Variants in GABRR2 observed in about 807,000 individuals in gnomAD.
The protein encoded by GABRR2 is gamma-aminobutyric acid receptor subunit rho-2.
In GABRR2, 36 loss-of-function variants were observed where a neutral mutation model predicts 47.0. The ratio of observed to expected loss-of-function variants is 0.77; its 90% confidence interval spans 0.59 to 1.01. GABRR2 has a LOEUF of 1.01. Among genes scored for constraint, GABRR2 ranks in the 50% least tolerant of loss-of-function variants. The probability of loss-of-function intolerance (pLI) is 0.00; values close to 1 mark genes in which losing one functional copy is unlikely to be tolerated. For missense variants in GABRR2, 587 were observed against 594.6 expected (o/e 0.99, Z 0.13); for synonymous variants, 204 against 227.5 (o/e 0.90, Z 0.93).
chr6:89,298,027 A>G (rs978241375), intron 2 of GABRR2, among the ~76,000 whole-genome samples: 8 of 152,212 alleles, frequency 5.3e-5, no homozygotes, highest in African/African-American at 1.9e-4. Context: ...GCTGCTTATT[A>G]GTATAACTTT....
rs1156403297 is a variant in GABRR2 at position 89,271,687 on chromosome 6, C to T, written c.256G>A (p.Glu86Lys). The change falls in exon 3 of 9, where the codon GAG becomes AAG. Residue 86 changes from glutamate (E) to lysine (K), a missense_variant. Physicochemically the swap from Glu to Lys is moderately conservative, Grantham distance 56 (BLOSUM62 1). Coordinates refer to ENST00000402938, the MANE Select transcript of GABRR2 (RefSeq NM_002043.5). ...ACCTCGGAGATGCTGTCCAGGCTCT[C>T]CACCTGTACGTCCACGCCCACCGGG... ...AIPVGVDVQV[E>K]SLDSISEVDM... 1 of 1,612,552 alleles carries T rather than the reference C, an allele frequency of 6.2e-7. No individual in the cohort carries two copies. Among genetic ancestry groups the T allele is most frequent in the Non-Finnish European group, 8.5e-7 (1 of 1,179,424 alleles).
intron 1 of GABRR2, among the ~76,000 whole-genome samples, chr6:89,309,764 G>GCTT (rs997423004): frequency 2.0e-5 from 3 of 150,962 alleles, no homozygotes; most frequent in African/African-American, 4.9e-5. Flanking sequence ...TAGCACCCAT[G>GCTT]CTTCTTCTTC....
chr6:89,259,871 ATCTC>A (rs1347788971), intron 8 of GABRR2, among the ~76,000 whole-genome samples: 4 of 86,232 alleles, frequency 4.6e-5, no homozygotes, highest in Admixed American at 3.4e-4. Context: ...GTAAGAGGTC[ATCTC>A]TCTCTCTCTT....
intron 8 of GABRR2, among the ~76,000 whole-genome samples, chr6:89,258,656 G>A (rs1328370123): frequency 6.6e-6 from 1 of 151,390 alleles, no homozygotes; most frequent in Non-Finnish European, 1.5e-5. Flanking sequence ...AAGAGGTCAA[G>A]GCTGCAGTGA....
At chr6:89,301,937 A>C in intron 1 of GABRR2, 1 of 984,764 alleles carries the variant, frequency 1.0e-6, no homozygotes, top group Non-Finnish European at 1.6e-6. Context: ...ATCTACTACA[A>C]CGAGGCCTCT....
chr6:89,261,443 A>G (rs1773743697), intron 8 of GABRR2, among the ~76,000 whole-genome samples: 2 of 152,150 alleles, frequency 1.3e-5, no homozygotes, highest in Admixed American at 6.5e-5. Flanking sequence ...CCCCAGAGAA[A>G]CCTTAAAAAC....
In GABRR2 at chr6:89,255,732, C is replaced by T. The variant is rs925907034; in HGVS notation, c.*1938G>A. Among the ~76,000 whole-genome samples, 11 of 152,104 alleles carry T rather than the reference C, an allele frequency of 7.2e-5. 1 individual carries two copies. Among genetic ancestry groups the T allele is most frequent in the Admixed American group, 5.2e-4 (8 of 15,270 alleles). ...TGTTCTCTGCAATGGCAAACCTTCCCATTCTCCCCATGCGTCCGCTCAAGC... is the reference window on the plus strand; with the variant it reads ...TGTTCTCTGCAATGGCAAACCTTCCTATTCTCCCCATGCGTCCGCTCAAGC... On this transcript the variant is annotated 3_prime_UTR_variant, in exon 9 of 9. Coordinates refer to ENST00000402938, the MANE Select transcript of GABRR2 (RefSeq NM_002043.5).
intron 8 of GABRR2, among the ~76,000 whole-genome samples, chr6:89,258,736 AAAG>A (rs1371632979): frequency 6.7e-6 from 1 of 150,270 alleles, no homozygotes; most frequent in African/African-American, 2.4e-5. Context: ...TTTAAAAAAA[AAAG>A]AAAGAAAGAA....
At chr6:89,288,444 C>T (rs1774371061) in intron 2 of GABRR2, among the ~76,000 whole-genome samples, 1 of 152,184 alleles carries the variant, frequency 6.6e-6, no homozygotes, top group Non-Finnish European at 1.5e-5. Context: ...ATGAAAACAC[C>T]TTCGAGTGTT....
At chr6:89,261,676 C>G (rs1156705591) in intron 8 of GABRR2, among the ~76,000 whole-genome samples, 1 of 152,194 alleles carries the variant, frequency 6.6e-6, no homozygotes, top group Non-Finnish European at 1.5e-5. Context: ...ACACTGTGTG[C>G]TAACTGCCAC....
chr6:89,302,934 C>T (rs1050353490), intron 1 of GABRR2: 2 of 1,187,524 alleles, frequency 1.7e-6, no homozygotes, highest in African/African-American at 3.1e-5. Flanking sequence ...TGTTCCAGCA[C>T]AAGGCCTTCC....
At chr6:89,303,426 A>G (rs1192518242) in intron 1 of GABRR2, among the ~76,000 whole-genome samples, 1 of 152,122 alleles carries the variant, frequency 6.6e-6, no homozygotes, top group Non-Finnish European at 1.5e-5. Flanking sequence ...TAAAAAAAAA[A>G]AGAAATCAGA....
chr6:89,304,476 C>T (rs1392143236), intron 1 of GABRR2, among the ~76,000 whole-genome samples: 1 of 151,748 alleles, frequency 6.6e-6, no homozygotes, highest in Non-Finnish European at 1.5e-5. Flanking sequence ...GTAATCCCAG[C>T]TATTTGGGAC....
intron 2 of GABRR2, among the ~76,000 whole-genome samples, chr6:89,280,187 T>G: frequency 7.2e-6 from 1 of 139,392 alleles, no homozygotes; most frequent in African/African-American, 2.7e-5. Context: ...CCAGCCTGAA[T>G]GACAGAGACT....
intron 2 of GABRR2, among the ~76,000 whole-genome samples, chr6:89,292,764 A>C (rs1384924903): frequency 5.3e-5 from 2 of 37,684 alleles, no homozygotes; most frequent in African/African-American, 2.1e-4. Context: ...CGTATATACG[A>C]TATATCGTAT....
At chr6:89,302,812 A>T in intron 1 of GABRR2, 1 of 1,429,684 alleles carries the variant, frequency 7.0e-7, no homozygotes, top group East Asian at 2.8e-5. Context: ...AACAACATGA[A>T]GGTGGACGTG....
intron 8 of GABRR2, 47 bp from the exon 9 acceptor site, chr6:89,258,028 G>T (rs1773648358): frequency 5.8e-6 from 9 of 1,553,448 alleles, no homozygotes; most frequent in Non-Finnish European, 7.8e-6. Context: ...TGTGAGGTGG[G>T]CAGAGGAGGG....
Position 89,264,595 on chromosome 6 carries a change from C to T in GABRR2, c.903G>A (p.Val301=), listed in dbSNP as rs1322655960. 4 of 1,614,154 alleles carry T rather than the reference C, an allele frequency of 2.5e-6. No homozygotes were observed. In the Admixed American group the frequency reaches 6.7e-5, roughly 27 times the overall value. ...CCGTGATGATGGTGGTCATGGTCAG[C>T]ACCGTCGTGATACCTGCAACACCCG... is the stretch of plus-strand genomic sequence containing the variant. ...PARVSLGITT[V]LTMTTIITGV... is the part of the protein sequence containing the mutation. Residue 301 remains valine, a synonymous_variant, in exon 8 of 9, where the codon GTG becomes GTA. Coordinates refer to ENST00000402938, the MANE Select transcript of GABRR2 (RefSeq NM_002043.5).
In GABRR2 at chr6:89,257,403, T is replaced by G; in HGVS notation, c.*267A>C. ...CTTGTTTATAGGAGGGGAGTTCTTG[T>G]GAATTAGTTCACACACAAGAACAGA... On this transcript the variant is annotated 3_prime_UTR_variant, in exon 9 of 9. Coordinates refer to ENST00000402938, the MANE Select transcript of GABRR2 (RefSeq NM_002043.5). 1 of 431,626 alleles carries G rather than the reference T, an allele frequency of 2.3e-6. No individual in the cohort carries two copies. Among genetic ancestry groups the G allele is most frequent in the African/African-American group, 2.0e-5 (1 of 50,774 alleles). The allele number at this position is 431,626 out of a possible 1,614,324, so 26.7% of individuals were successfully genotyped here.
Sources: gnomAD v4.1 joint callset for allele counts (sites outside exome capture counted in the v4.1 genomes callset) on GRCh38, gnomAD v4.1.1 for gene constraint, MANE v1.5 for transcripts, NCBI Gene and HGNC (gene_info 2026-07-23, HGNC 2026-07-21) for gene names.